Variants in C16orf96 observed in about 807,000 individuals in gnomAD.
The protein encoded by C16orf96 is chromosome 16 open reading frame 96, also known as uncharacterized protein C16orf96.
C16orf96 carries 108 observed loss-of-function variants against 103.6 expected under a neutral mutation model. The observed-to-expected ratio is 1.04, with a 90% CI of 0.89 to 1.22. C16orf96 has a LOEUF of 1.22. C16orf96 is among the 50% of genes most tolerant of loss of function. The pLI, the probability that C16orf96 is intolerant of heterozygous loss-of-function variation, is 0.00. For synonymous variants in C16orf96, 566 were observed against 593.5 expected (o/e 0.95, Z 0.67); for missense variants, 1,586 against 1,464.2 (o/e 1.08, Z -1.36).
chr16:4,579,029 AGT>A lies in C16orf96; in HGVS notation c.2241+7_2241+8del. ...CCTCCAGAAATCTAGGCTCAAGGTT[AGT>A]GTCTCCGGCGAAGGGCTTTTGAGGC... On this transcript the variant is annotated splice_donor_5th_base_variant and intron_variant, in intron 6 of 15. Transcript: ENST00000444310. 6.4e-7 allele frequency: 1 copy of A among 1,551,262 alleles called. No homozygotes were observed. Among genetic ancestry groups the A allele is most frequent in the Non-Finnish European group, 8.7e-7 (1 of 1,146,704 alleles).
chr16:4,539,736 G>A, the C16orf96 span, among the ~76,000 whole-genome samples: 1 of 152,058 alleles, frequency 6.6e-6, no homozygotes, highest in Admixed American at 6.6e-5. Flanking sequence ...GCACCCAGAG[G>A]CCACAAGATT....
intron 12 of C16orf96, 63 bp from the exon 13 acceptor site, chr16:4,594,288 G>T: frequency 6.6e-7 from 1 of 1,514,454 alleles, no homozygotes; most frequent in East Asian, 2.5e-5. Flanking sequence ...GGCCCTTGGG[G>T]CCCGTCCTGG....
At chr16:4,579,234 G>A (rs377129450) in intron 6 of C16orf96, among the ~76,000 whole-genome samples, 1 of 152,080 alleles carries the variant, frequency 6.6e-6, no homozygotes, top group East Asian at 1.9e-4. Flanking sequence ...GGGGCTACAC[G>A]GTTCTGTGTC....
At chr16:4,572,208 C>T (rs1052407940) in intron 2 of C16orf96, among the ~76,000 whole-genome samples, 118 of 151,944 alleles carry the variant, frequency 7.8e-4, no homozygotes, top group African/African-American at 2.6e-3. Flanking sequence ...ACAGAAATCA[C>T]GTTCATCCTG....
Position 4,556,643 on chromosome 16 carries a change from T to C in C16orf96, c.154T>C (p.Phe52Leu). The change falls in exon 1 of 16, where the codon TTC (phenylalanine) becomes CTC (leucine). Residue 52 changes from phenylalanine (F) to leucine (L), a missense_variant. By Grantham distance (22) the Phe-to-Leu change is conservative. Coordinates refer to ENST00000444310, the MANE Select transcript of C16orf96 (RefSeq NM_001145011.2). ...LKKVLSGDED[F>L]LQTSQVVIMP... is the part of the protein sequence containing the mutation. ...GAAAGTCCTCTCAGGCGATGAGGAC[T>C]TCCTGCAGACCTCGCAGGTGGTCAT... 6.4e-7 allele frequency: 1 copy of C among 1,551,732 alleles called. No individual in the cohort carries two copies. Among genetic ancestry groups the C allele is most frequent in the African/African-American group, 1.4e-5 (1 of 73,178 alleles).
At chr16:4,586,185 G>C (rs2028300) in intron 7 of C16orf96, among the ~76,000 whole-genome samples, 2 of 152,134 alleles carry the variant, frequency 1.3e-5, no homozygotes, top group African/African-American at 4.8e-5. Flanking sequence ...TCTTGAACCC[G>C]GGAGGCGGAG....
chr16:4,565,613 C>T (rs752462336), intron 1 of C16orf96, among the ~76,000 whole-genome samples: 5 of 152,174 alleles, frequency 3.3e-5, no homozygotes, highest in Non-Finnish European at 5.9e-5. Context: ...CTCAGCCTCC[C>T]GAGTAGCTGG....
chr16:4,571,172 T>G (rs1384929063), intron 1 of C16orf96, among the ~76,000 whole-genome samples: 6 of 151,872 alleles, frequency 4.0e-5, no homozygotes, highest in Non-Finnish European at 7.4e-5. Flanking sequence ...AGCCACAGAG[T>G]GAGACTCCAT....
Position 4,576,296 on chromosome 16 carries a change from G to A in C16orf96, c.1816G>A (p.Ala606Thr), listed in dbSNP as rs770766977. The A allele has an allele frequency of 5.2e-5, 80 of 1,550,786 alleles. 1 individual carries two copies. In the Middle Eastern group the frequency reaches 6.7e-4, roughly 13 times the overall value. ...GGATGCCCCAGCCACCAAAATGGCCGCCATTGCAACAGACACGGCTGCAGC... is the reference window on the plus strand; with the variant it reads ...GGATGCCCCAGCCACCAAAATGGCCACCATTGCAACAGACACGGCTGCAGC... ...VKDAPATKMA[A>T]IATDTAAAGP... The change falls in exon 5 of 16, where the codon GCC (alanine) becomes ACC (threonine). Residue 606 changes from alanine to threonine, a missense_variant. Ala to Thr is a moderately conservative substitution (Grantham distance 58, BLOSUM62 0). Transcript: ENST00000444310.
intron 5 of C16orf96, 32 bp downstream of exon 5, chr16:4,576,667 A>G: frequency 1.3e-6 from 2 of 1,523,730 alleles, no homozygotes; most frequent in Non-Finnish European, 1.8e-6. Context: ...GAAGGGCACA[A>G]GGGAGTGGGG....
intron 7 of C16orf96, among the ~76,000 whole-genome samples, chr16:4,581,000 T>G (rs962032298): frequency 7.9e-5 from 12 of 151,668 alleles, no homozygotes; most frequent in African/African-American, 2.7e-4. Context: ...GGCGCATGCC[T>G]GTAATCCCAG....
intron 5 of C16orf96, among the ~76,000 whole-genome samples, chr16:4,578,131 A>G (rs1026661452): frequency 3.3e-5 from 5 of 152,246 alleles, no homozygotes; most frequent in African/African-American, 7.2e-5. Flanking sequence ...AATTTAAAAA[A>G]AAATTTTTTT....
At chr16:4,565,162 A>G (rs1338505897) in intron 1 of C16orf96, among the ~76,000 whole-genome samples, 1 of 152,042 alleles carries the variant, frequency 6.6e-6, no homozygotes, top group Non-Finnish European at 1.5e-5. Context: ...GCATCCTTAA[A>G]GCCCTCTTGA....
intron 14 of C16orf96, among the ~76,000 whole-genome samples, chr16:4,597,007 T>C (rs967107341): frequency 6.6e-6 from 1 of 152,182 alleles, no homozygotes; most frequent in African/African-American, 2.4e-5. Context: ...CATCTCAAGA[T>C]CCTTAAGCTA....
chr16:4,566,129 A>T (rs2059383408), intron 1 of C16orf96, among the ~76,000 whole-genome samples: 1 of 152,180 alleles, frequency 6.6e-6, no homozygotes, highest in South Asian at 2.1e-4. Context: ...TACAGACGTG[A>T]GCTACCATGC....
rs1160899850 is a variant in C16orf96 at position 4,575,293 on chromosome 16, C to T, written c.813C>T (p.Val271=). ...ATRAIQVSEP[V]QNPQLLQTVW... is the part of the protein sequence containing the mutation. ...GTGCCATCCAGGTCTCCGAGCCCGTCCAAAACCCCCAGCTACTGCAGACTG... is the reference window on the plus strand; with the variant it reads ...GTGCCATCCAGGTCTCCGAGCCCGTTCAAAACCCCCAGCTACTGCAGACTG... Residue 271 remains valine (V), a synonymous_variant, in exon 5 of 16, where the codon GTC becomes GTT. Coordinates refer to ENST00000444310, the MANE Select transcript of C16orf96 (RefSeq NM_001145011.2). The T allele has an allele frequency of 5.8e-6, 9 of 1,551,104 alleles. No individual in the cohort carries two copies. In the South Asian group the frequency reaches 1.1e-4, roughly 18 times the overall value.
rs1416265847 is a variant in C16orf96, at chr16:4,576,329, C to T, written c.1849C>T (p.Leu617=). 1.3e-6 allele frequency: 2 copies of T among 1,550,768 alleles called. No homozygotes were observed. Among genetic ancestry groups the T allele is most frequent in the African/African-American group, 2.7e-5 (2 of 73,194 alleles). The part of the protein sequence containing the change: ...IATDTAAAGP[L]GVFADVLGAG... The stretch of plus-strand genomic sequence containing the variant: ...AACAGACACGGCTGCAGCTGGGCCC[C>T]TAGGGGTCTTTGCAGATGTCCTGGG... Residue 617 remains leucine (L), a synonymous_variant, in exon 5 of 16, where the codon CTA becomes TTA. Coordinates refer to ENST00000444310, the MANE Select transcript of C16orf96 (RefSeq NM_001145011.2).
rs373857916 is a variant in C16orf96, at chr16:4,584,422, A to G, written c.2353-2617A>G. Among the ~76,000 whole-genome samples the G allele has an allele frequency of 1.0e-3, 144 of 142,288 alleles. 4 individuals carry two copies. In the South Asian group the frequency reaches 0.031, roughly 31 times the overall value. 93.3% of individuals were successfully genotyped at this position (142,288 alleles called of 152,430 possible). On this transcript the variant is annotated intron_variant, in intron 7 of 15. Coordinates refer to ENST00000444310, the MANE Select transcript of C16orf96 (RefSeq NM_001145011.2). ...GAGTGCAGTGGCGCAATCTTGGCTC[A>G]TTGTAACCTCCGCCTCCCGGGTTCA... is the stretch of plus-strand genomic sequence containing the variant.
chr16:4,566,190 G>A (rs1356092646), intron 1 of C16orf96, among the ~76,000 whole-genome samples: 1 of 152,092 alleles, frequency 6.6e-6, no homozygotes, highest in South Asian at 2.1e-4. Flanking sequence ...CATTTCTTTT[G>A]GGAATATACC....
Sources: gnomAD v4.1 joint callset for allele counts (sites outside exome capture counted in the v4.1 genomes callset) on GRCh38, gnomAD v4.1.1 for gene constraint, MANE v1.5 for transcripts, NCBI Gene and HGNC (gene_info 2026-07-23, HGNC 2026-07-21) for gene names.